Variants in DOK5 observed in about 807,000 individuals in gnomAD.
The protein encoded by DOK5 is docking protein 5, also known as downstream of tyrosine kinase 5.
Under a neutral mutation model 43.3 loss-of-function variants are expected in DOK5, and 27 were observed. That is an observed-to-expected ratio of 0.62 (90% CI 0.46 to 0.86). The LOEUF (loss-of-function observed/expected upper bound fraction) is 0.86. Ranked by LOEUF, DOK5 falls within the 40% of genes least tolerant of loss-of-function variation. The pLI is 0.00. For missense variants in DOK5, 373 were observed against 392.9 expected (o/e 0.95, Z 0.43); for synonymous variants, 146 against 140.1 (o/e 1.04, Z -0.30).
intron 5 of DOK5, among the ~76,000 whole-genome samples, chr20:54,598,562 C>T (rs1329016378): frequency 6.6e-6 from 1 of 152,214 alleles, no homozygotes; most frequent in Non-Finnish European, 1.5e-5. Flanking sequence ...CAATGTCAGA[C>T]TTGCCTTACA....
Position 54,491,209 on chromosome 20 carries a change from A to T in DOK5, c.66+15197A>T, listed in dbSNP as rs189436151. On this transcript the variant is annotated intron_variant, in intron 1 of 7. Transcript: ENST00000262593. Reference sequence around the variant, plus strand: ...TTTCTTCTAGTAACCACAAGCACTGAGCGGGTCTTTTTCTGTTTTGTTCAT... The same window carrying T: ...TTTCTTCTAGTAACCACAAGCACTGTGCGGGTCTTTTTCTGTTTTGTTCAT... Among the ~76,000 whole-genome samples the T allele has an allele frequency of 3.9e-5, 6 of 152,308 alleles. No individual in the cohort carries two copies. The East Asian group carries it at 1.2e-3, about 29-fold the overall frequency.
intron 1 of DOK5, among the ~76,000 whole-genome samples, chr20:54,550,774 A>G (rs541869164): frequency 6.6e-6 from 1 of 152,150 alleles, no homozygotes; most frequent in Admixed American, 6.5e-5. Flanking sequence ...GATGTACCAC[A>G]GTTCGTTTAA....
chr20:54,514,143 A>G (rs1266062826), intron 1 of DOK5, among the ~76,000 whole-genome samples: 1 of 152,188 alleles, frequency 6.6e-6, no homozygotes, highest in African/African-American at 2.4e-5. Flanking sequence ...TCACTGCTCC[A>G]GTTAAGGGAC....
At chr20:54,489,894 A>G in intron 1 of DOK5, among the ~76,000 whole-genome samples, 1 of 152,202 alleles carries the variant, frequency 6.6e-6, no homozygotes, top group Admixed American at 6.5e-5. Flanking sequence ...GTAGAATTTC[A>G]TGAAAGTTGC....
In DOK5 at chr20:54,535,718, T is replaced by C. The variant is rs150644310; in HGVS notation, c.67-19215T>C. Among the ~76,000 whole-genome samples, 5 of 152,306 alleles carry C rather than the reference T, an allele frequency of 3.3e-5. No homozygotes were observed. In the East Asian group the frequency reaches 9.6e-4, roughly 29 times the overall value. On this transcript the variant is annotated intron_variant, in intron 1 of 7. Transcript: ENST00000262593. ...TGGCCAGCAGAGCCCTTCTCCATGGTATAAAAAGTAGCACTTGGTACAATG... is the reference window on the plus strand; with the variant it reads ...TGGCCAGCAGAGCCCTTCTCCATGGCATAAAAAGTAGCACTTGGTACAATG...
At chr20:54,500,998 T>C (rs903392325) in intron 1 of DOK5, among the ~76,000 whole-genome samples, 1 of 152,208 alleles carries the variant, frequency 6.6e-6, no homozygotes, top group African/African-American at 2.4e-5. Flanking sequence ...TAAGTTGTTT[T>C]TAACTAAAAG....
At chr20:54,604,703 C>G (rs555303288) in intron 5 of DOK5, among the ~76,000 whole-genome samples, 1 of 152,084 alleles carries the variant, frequency 6.6e-6, no homozygotes. Flanking sequence ...AAAAGCTTAC[C>G]TTAAATATAC....
At chr20:54,537,831 CTTTTTTTTTTTT>C (rs927019328) in intron 1 of DOK5, among the ~76,000 whole-genome samples, 7 of 89,540 alleles carry the variant, frequency 7.8e-5, no homozygotes, top group East Asian at 3.4e-4. Context: ...TGTACAAGTT[CTTTTTTTTTTTT>C]TTTTTTTTTT....
chr20:54,494,482 C>T (rs1029892851), intron 1 of DOK5, among the ~76,000 whole-genome samples: 9 of 152,142 alleles, frequency 5.9e-5, no homozygotes, highest in Non-Finnish European at 1.0e-4. Flanking sequence ...CTGAAGCATT[C>T]CTTCTACCAG....
intron 1 of DOK5, among the ~76,000 whole-genome samples, chr20:54,482,756 C>G (rs980294041): frequency 2.0e-5 from 3 of 152,188 alleles, no homozygotes; most frequent in African/African-American, 7.2e-5. Context: ...TTCAGCCTCC[C>G]AAAGTGCTGG....
At chr20:54,618,657 C>T (rs1986890853) in intron 6 of DOK5, among the ~76,000 whole-genome samples, 2 of 152,116 alleles carry the variant, frequency 1.3e-5, no homozygotes, top group Admixed American at 6.6e-5. Context: ...TCAGCATTTT[C>T]AAATGACCTT....
intron 7 of DOK5, among the ~76,000 whole-genome samples, chr20:54,645,925 C>CAAAAAAAAAAAAAAAAATAA (rs1979391764): frequency 1.2e-5 from 1 of 85,880 alleles, no homozygotes; most frequent in African/African-American, 4.3e-5. Context: ...GCAGATGCTG[C>CAAAAAAAAAAAAAAAAATAA]AAAAAAAAAA....
chr20:54,476,044 G>A (rs1356049816), intron 1 of DOK5, 32 bp downstream of exon 1: 3 of 1,610,310 alleles, frequency 1.9e-6, no homozygotes, highest in South Asian at 1.1e-5. Flanking sequence ...GTTGCTGTTC[G>A]CCGGTTCGAT....
chr20:54,586,525 G>C (rs966598267), intron 2 of DOK5, among the ~76,000 whole-genome samples: 6 of 152,166 alleles, frequency 3.9e-5, no homozygotes, highest in African/African-American at 1.4e-4. Context: ...GTTTGACTCA[G>C]GGAGCACAAT....
At chr20:54,488,762 C>CCCCTTCCCT (rs1422678662) in intron 1 of DOK5, among the ~76,000 whole-genome samples, 1 of 89,612 alleles carries the variant, frequency 1.1e-5, no homozygotes, top group African/African-American at 1.1e-4. Flanking sequence ...TCTTTCCCTA[C>CCCCTTCCCT]CCCTCCCCTC....
chr20:54,503,377 C>T (rs1022314723), intron 1 of DOK5, among the ~76,000 whole-genome samples: 8 of 152,062 alleles, frequency 5.3e-5, no homozygotes, highest in African/African-American at 1.9e-4. Context: ...AGGTGGAATG[C>T]AGGAAGTCAC....
chr20:54,498,060 A>G (rs1055704141), intron 1 of DOK5, among the ~76,000 whole-genome samples: 2 of 152,210 alleles, frequency 1.3e-5, no homozygotes, highest in Admixed American at 1.3e-4. Flanking sequence ...TCATCCAGTA[A>G]CATCACTAAA....
intron 2 of DOK5, among the ~76,000 whole-genome samples, chr20:54,570,229 C>T (rs527817103): frequency 3.3e-5 from 5 of 152,104 alleles, no homozygotes; most frequent in African/African-American, 4.8e-5. Flanking sequence ...TAAACATAAT[C>T]GTATAAAAAT....
At chr20:54,528,924 C>T (rs921399607) in intron 1 of DOK5, among the ~76,000 whole-genome samples, 8 of 152,000 alleles carry the variant, frequency 5.3e-5, no homozygotes, top group African/African-American at 1.9e-4. Context: ...GTCATCAGTC[C>T]AAGATTAGCG....
Sources: allele counts gnomAD v4.1 joint callset (sites outside exome capture counted in the v4.1 genomes callset), GRCh38; gene constraint gnomAD v4.1.1; transcripts MANE v1.5; gene names NCBI Gene and HGNC (gene_info 2026-07-23, HGNC 2026-07-21).